Variants in IVNS1ABP observed in about 807,000 individuals in gnomAD.
The protein encoded by IVNS1ABP is influenza virus NS1A binding protein.
A neutral mutation model predicts 78.9 loss-of-function variants in IVNS1ABP; 25 were observed. The ratio of observed to expected loss-of-function variants is 0.32; its 90% CI spans 0.23 to 0.44. IVNS1ABP has a LOEUF of 0.44. Ranked by LOEUF, IVNS1ABP falls within the 20% of genes least tolerant of loss-of-function variation. The probability of loss-of-function intolerance (pLI) is 1.00; values close to 1 mark genes in which losing one functional copy is unlikely to be tolerated. For missense variants in IVNS1ABP, 494 were observed against 768.9 expected (o/e 0.64, Z 4.23); for synonymous variants, 241 against 259.7 (o/e 0.93, Z 0.69).
rs1205939406 is a variant in IVNS1ABP, at chr1:185,308,889, A to T, written c.282-14T>A. On this transcript the variant is annotated splice_polypyrimidine_tract_variant and intron_variant, in intron 4 of 14. Coordinates refer to ENST00000367498, the MANE Select transcript of IVNS1ABP (RefSeq NM_006469.5). ...TCTGCTTTCAACCTATTTAAAAAAA[A>T]AGTTACTTATGATACCAAAGCCTTA... 1 of 1,598,682 alleles carries T rather than the reference A, an allele frequency of 6.3e-7. No individual in the cohort carries two copies. Among genetic ancestry groups the T allele is most frequent in the African/African-American group, 1.4e-5 (1 of 73,996 alleles).
chr1:185,308,080 A>T, intron 5 of IVNS1ABP: 3 of 1,532,674 alleles, frequency 2.0e-6, no homozygotes, highest in Non-Finnish European at 2.6e-6. Context: ...AAAGACAGCA[A>T]CTATATAAGG....
At chr1:185,307,850 G>A (rs1665779596) in intron 5 of IVNS1ABP, 188 bp from the exon 6 acceptor site, 13 of 1,310,384 alleles carry the variant, frequency 9.9e-6, no homozygotes, top group South Asian at 1.5e-5. Context: ...ATACAGATAT[G>A]TAAGTTTTAG....
chr1:185,299,975 A>G (rs1207024178), intron 13 of IVNS1ABP, 24 bp downstream of exon 13: 8 of 1,607,614 alleles, frequency 5.0e-6, no homozygotes, highest in Non-Finnish European at 6.8e-6. Context: ...CTTTAAAAAA[A>G]AAAAGGAAAA....
chr1:185,300,420 C>A lies in IVNS1ABP; in HGVS notation c.1242+17G>T, dbSNP rs777212809. On this transcript the variant is annotated intron_variant, in intron 11 of 14. Transcript: ENST00000367498. The stretch of plus-strand genomic sequence containing the variant: ...AAAAGCTAAATAGGGGTTGCTCCTG[C>A]AACATAATGCGCTTACCATGAGTAC... 3 of 1,613,442 alleles carry A rather than the reference C, an allele frequency of 1.9e-6. No homozygotes were observed. The highest frequency in any genetic ancestry group is 2.5e-6 in the Non-Finnish European group (3 of 1,179,684).
At chr1:185,308,911 C>G (rs200257635) in intron 4 of IVNS1ABP, 36 bp from the exon 5 acceptor site, 1 of 1,579,992 alleles carries the variant, frequency 6.3e-7, no homozygotes, top group Admixed American at 1.8e-5. Flanking sequence ...ATACCAAAGC[C>G]TTAAAACACA....
chr1:185,307,780 T>C (rs1219877964), intron 5 of IVNS1ABP, 118 bp from the exon 6 acceptor site: 2 of 1,225,954 alleles, frequency 1.6e-6, no homozygotes, highest in Non-Finnish European at 2.3e-6. Flanking sequence ...ACTGTCTTAA[T>C]ACAACAAATG....
In IVNS1ABP at chr1:185,300,002, T is replaced by C; in HGVS notation, c.1498A>G (p.Ile500Val). 1.2e-6 allele frequency: 2 copies of C among 1,604,418 alleles called. No homozygotes were observed. Among genetic ancestry groups the C allele is most frequent in the African/African-American group, 1.3e-5 (1 of 74,078 alleles). Residue 500 changes from isoleucine (I) to valine (V), a missense_variant, in exon 13 of 15, where the codon ATT becomes GTT. Coordinates refer to ENST00000367498, the MANE Select transcript of IVNS1ABP (RefSeq NM_006469.5). ...AAAGGAAAAAAAATCAACTTACGAA[T>C]GTTAAGAGGGGCACAGCTTGTCCAC... is the stretch of plus-strand genomic sequence containing the variant. ...KLWTSCAPLN[I>V]RRHQSAVCEL... is the part of the protein sequence containing the mutation.
intron 8 of IVNS1ABP, among the ~76,000 whole-genome samples, chr1:185,302,542 A>G (rs571767088): frequency 6.6e-6 from 1 of 152,286 alleles, no homozygotes; most frequent in African/African-American, 2.4e-5. Flanking sequence ...TTCTGTTGCT[A>G]GTGGAAGCAA....
Position 185,308,838 on chromosome 1 carries a change from A to T in IVNS1ABP, c.319T>A (p.Ser107Thr), listed in dbSNP as rs1665810706. Residue 107 changes from serine to threonine, a missense_variant, in exon 5 of 15, where the codon TCT (serine) becomes ACT (threonine). Transcript: ENST00000367498. ...ADKELVKDVY[S>T]AAKKLKMDRV... Reference sequence around the variant, plus strand: ...TCCATCTTCAGCTTTTTTGCTGCAGAATAAACATCTTTTACCAATTCCTTA... The same window carrying T: ...TCCATCTTCAGCTTTTTTGCTGCAGTATAAACATCTTTTACCAATTCCTTA... 1.2e-6 allele frequency: 2 copies of T among 1,610,692 alleles called. No individual in the cohort carries two copies. Among genetic ancestry groups the T allele is most frequent in the Non-Finnish European group, 1.7e-6 (2 of 1,179,588 alleles).
At position 185,305,785 on chromosome 1, in the gene IVNS1ABP, TA is replaced by T. The variant is rs1665723766; in HGVS notation, c.658-143del. On this transcript the variant is annotated intron_variant, in intron 7 of 14. Coordinates refer to ENST00000367498, the MANE Select transcript of IVNS1ABP (RefSeq NM_006469.5). The surrounding 1 kb of genome is among the most constrained non-coding windows in gnomAD (Gnocchi z 4.0). Reference sequence around the variant, plus strand: ...ATATTACTCTGGCAGGATCCGGAGGTAAAGAAAAATACATGTCATGGTGGTA... The same window carrying T: ...ATATTACTCTGGCAGGATCCGGAGGTAAGAAAAATACATGTCATGGTGGTA... 1 of 804,914 alleles carries T rather than the reference TA, an allele frequency of 1.2e-6. No individual in the cohort carries two copies. Among genetic ancestry groups the T allele is most frequent in the African/African-American group, 1.8e-5 (1 of 55,682 alleles). 49.9% of individuals were successfully genotyped at this position (804,914 alleles called of 1,614,324 possible).
At chr1:185,299,367 G>GT (rs1665506209) in intron 14 of IVNS1ABP, 1 of 297,544 alleles carries the variant, frequency 3.4e-6, no homozygotes, top group South Asian at 4.1e-5. Context: ...ATTTGCCTTT[G>GT]TTTTGCAGAT....
Position 185,313,439 on chromosome 1 carries a change from T to G in IVNS1ABP, c.-246-2117A>C, listed in dbSNP as rs1665937154. On this transcript the variant is annotated intron_variant, in intron 1 of 14. Transcript: ENST00000367498. Reference sequence around the variant, plus strand: ...ACATTTAAGTTAATGCAAACTTACTTTATTCAATTATTGTCCTCATACACT... The same window carrying G: ...ACATTTAAGTTAATGCAAACTTACTGTATTCAATTATTGTCCTCATACACT... Among the ~76,000 whole-genome samples, 4 of 152,286 alleles carry G rather than the reference T, an allele frequency of 2.6e-5. No individual in the cohort carries two copies. The South Asian group carries it at 8.3e-4, about 32-fold the overall frequency.
At chr1:185,306,847 C>G (rs1665751277) in intron 7 of IVNS1ABP, 167 bp downstream of exon 7, 1 of 777,140 alleles carries the variant, frequency 1.3e-6, no homozygotes, top group African/African-American at 1.8e-5. Context: ...CTGAACAGTT[C>G]ATTCAGCTCA....
chr1:185,300,609 C>T (rs775484020), intron 10 of IVNS1ABP, 51 bp from the exon 11 acceptor site: 1 of 1,564,362 alleles, frequency 6.4e-7, no homozygotes, highest in East Asian at 2.2e-5. Flanking sequence ...TTAAACTGGA[C>T]CACGGTTTCC....
At chr1:185,311,513 A>AT (rs1665884593) in intron 1 of IVNS1ABP, among the ~76,000 whole-genome samples, 191 bp from the exon 2 acceptor site, 1 of 151,014 alleles carries the variant, frequency 6.6e-6, no homozygotes, top group Non-Finnish European at 1.5e-5. Flanking sequence ...AACTTGCAAC[A>AT]ACCCAAGTGA....
At chr1:185,304,737 G>A (rs543919433) in intron 8 of IVNS1ABP, among the ~76,000 whole-genome samples, 119 of 152,250 alleles carry the variant, frequency 7.8e-4, no homozygotes, top group South Asian at 1.5e-3. Flanking sequence ...GGAAACGGTT[G>A]GGAAGAGGCA....
chr1:185,299,589 A>G, intron 14 of IVNS1ABP, 121 bp downstream of exon 14: 1 of 909,286 alleles, frequency 1.1e-6, no homozygotes, highest in South Asian at 1.4e-5. Flanking sequence ...ATTGCATCAA[A>G]AGAGATGACT....
At position 185,305,932 on chromosome 1, in the gene IVNS1ABP, A is replaced by G. The variant is rs976882819; in HGVS notation, c.658-289T>C. The G allele has an allele frequency of 3.0e-6, 1 of 335,950 alleles. No homozygotes were observed. Among genetic ancestry groups the G allele is most frequent in the South Asian group, 3.9e-5 (1 of 25,676 alleles). 20.8% of individuals were successfully genotyped at this position (335,950 alleles called of 1,614,324 possible). A position where few individuals can be genotyped will look rare whatever the true frequency, so the allele number is the denominator to read the frequency against. On this transcript the variant is annotated intron_variant, in intron 7 of 14. Transcript: ENST00000367498. The surrounding 1 kb of genome is among the most constrained non-coding windows in gnomAD (Gnocchi z 4.0). ...TCATTTTTTTCATAGCTTCTATCAT[A>G]TAACAGTAAGAAAAAAAGCACTAGT... is the stretch of plus-strand genomic sequence containing the variant.
chr1:185,305,803 A>C lies in IVNS1ABP; in HGVS notation c.658-160T>G, dbSNP rs1665724526. The stretch of plus-strand genomic sequence containing the variant: ...CCGGAGGTAAAGAAAAATACATGTC[A>C]TGGTGGTAAAAATTAAAAAACAAAA... On this transcript the variant is annotated intron_variant, in intron 7 of 14. Coordinates refer to ENST00000367498, the MANE Select transcript of IVNS1ABP (RefSeq NM_006469.5). This position sits in a 1 kb window ranked among gnomAD's most constrained non-coding sequence, Gnocchi z 4.0. 1.4e-6 allele frequency: 1 copy of C among 706,754 alleles called. No individual in the cohort carries two copies. The highest frequency in any genetic ancestry group is 1.8e-5 in the African/African-American group (1 of 54,268). 43.8% of individuals were successfully genotyped at this position (706,754 alleles called of 1,614,324 possible).
Sources: allele counts gnomAD v4.1 joint callset (sites outside exome capture counted in the v4.1 genomes callset), GRCh38; gene constraint gnomAD v4.1.1; non-coding constraint Gnocchi (gnomAD v3.1); transcripts MANE v1.5; gene names NCBI Gene and HGNC (gene_info 2026-07-23, HGNC 2026-07-21).